YAP1: variants seen among roughly 807,000 people sequenced by gnomAD.
YAP1 encodes Yes1 associated transcriptional regulator, also known as transcriptional coactivator YAP1.
In YAP1, 5 loss-of-function variants were observed where a neutral mutation model predicts 56.9. The ratio of observed to expected loss-of-function variants is 0.09; its 90% CI spans 0.05 to 0.18. YAP1 has a LOEUF of 0.18. Ranked by LOEUF, YAP1 falls within the 10% of genes least tolerant of loss-of-function variation. YAP1 has a pLI of 1.00. For missense variants in YAP1, 539 were observed against 651.8 expected (o/e 0.83, Z 1.88); for synonymous variants, 265 against 248.1 (o/e 1.07, Z -0.64).
chr11:102,177,026 ACATT>A (rs1281199444), intron 3 of YAP1, among the ~76,000 whole-genome samples: 6 of 152,134 alleles, frequency 3.9e-5, no homozygotes, highest in Non-Finnish European at 5.9e-5. Context: ...GGAAGAAGTG[ACATT>A]CAGAGTGGGA....
rs557003695 is a variant in YAP1, at chr11:102,122,438, A to G, written c.572+8044A>G. On this transcript the variant is annotated intron_variant, in intron 2 of 8. Transcript: ENST00000282441. ...AGACTCTGTCTCAAAAAAAAAAAAGAAGGAAAGAAAACGGAAGGAAGCACC... is the reference window on the plus strand; with the variant it reads ...AGACTCTGTCTCAAAAAAAAAAAAGGAGGAAAGAAAACGGAAGGAAGCACC... Among the ~76,000 whole-genome samples the G allele has an allele frequency of 8.8e-4, 134 of 151,868 alleles. 1 individual carries two copies. The highest frequency in any genetic ancestry group is 3.4e-3 in the Middle Eastern group (1 of 294).
chr11:102,185,368 G>T (rs759555311), intron 3 of YAP1, among the ~76,000 whole-genome samples: 1 of 152,086 alleles, frequency 6.6e-6, no homozygotes, highest in East Asian at 1.9e-4. Context: ...AACAACTTTA[G>T]CACTTATCTT....
intron 5 of YAP1, among the ~76,000 whole-genome samples, chr11:102,208,232 T>C (rs956167801): frequency 6.6e-6 from 1 of 152,190 alleles, no homozygotes; most frequent in South Asian, 2.1e-4. Flanking sequence ...TTTACTGCCC[T>C]TCAAAATGGC....
chr11:102,216,608 T>C (rs1949680683), intron 6 of YAP1, among the ~76,000 whole-genome samples: 1 of 152,184 alleles, frequency 6.6e-6, no homozygotes, highest in Non-Finnish European at 1.5e-5. Flanking sequence ...GCCATAAGCC[T>C]TGGGACATAA....
chr11:102,220,311 GAACAA>G (rs1949862156), intron 6 of YAP1, among the ~76,000 whole-genome samples: 1 of 151,936 alleles, frequency 6.6e-6, no homozygotes. Flanking sequence ...AACTGACCAA[GAACAA>G]AACAAAACAA....
At chr11:102,214,267 A>G (rs1380673934) in intron 6 of YAP1, among the ~76,000 whole-genome samples, 6 of 152,220 alleles carry the variant, frequency 3.9e-5, no homozygotes, top group African/African-American at 1.4e-4. Context: ...ATATTTGGCA[A>G]CTACTGAATA....
intron 3 of YAP1, among the ~76,000 whole-genome samples, chr11:102,176,421 G>T (rs1947251412): frequency 6.6e-6 from 1 of 152,096 alleles, no homozygotes; most frequent in Non-Finnish European, 1.5e-5. Context: ...GGACAGATTG[G>T]AGAAAAGCTT....
chr11:102,215,531 A>G (rs1046485197), intron 6 of YAP1, among the ~76,000 whole-genome samples: 12 of 152,294 alleles, frequency 7.9e-5, no homozygotes, highest in Admixed American at 2.0e-4. Context: ...CTGGAGTGCA[A>G]TGGCACGATC....
intron 2 of YAP1, among the ~76,000 whole-genome samples, chr11:102,128,871 G>C (rs1393148936): frequency 6.6e-6 from 1 of 152,014 alleles, no homozygotes; most frequent in Non-Finnish European, 1.5e-5. Context: ...AAAAATTAGG[G>C]CTTTAAAGTA....
intron 3 of YAP1, 117 bp downstream of exon 3, chr11:102,162,688 C>CT: frequency 1.0e-6 from 1 of 965,142 alleles, no homozygotes; most frequent in Middle Eastern, 2.1e-4. Context: ...TGTTTATTGT[C>CT]TCTCCAGTTT....
chr11:102,144,389 T>G (rs1410985532), intron 2 of YAP1, among the ~76,000 whole-genome samples: 1 of 152,212 alleles, frequency 6.6e-6, no homozygotes, highest in Non-Finnish European at 1.5e-5. Context: ...GAAAGTTACC[T>G]TATGCCATTT....
intron 3 of YAP1, among the ~76,000 whole-genome samples, chr11:102,168,425 A>G (rs1339123991): frequency 6.6e-6 from 1 of 152,084 alleles, no homozygotes; most frequent in Admixed American, 6.5e-5. Context: ...AGAAATGTAC[A>G]TTTGATAACA....
At chr11:102,208,089 A>G (rs1949214374) in intron 5 of YAP1, among the ~76,000 whole-genome samples, 1 of 152,204 alleles carries the variant, frequency 6.6e-6, no homozygotes, top group East Asian at 1.9e-4. Flanking sequence ...TAAAAATTAA[A>G]TATCACACCT....
chr11:102,197,733 T>C (rs1045364394), intron 4 of YAP1, among the ~76,000 whole-genome samples: 3 of 152,210 alleles, frequency 2.0e-5, no homozygotes, highest in African/African-American at 4.8e-5. Flanking sequence ...GGTTTTTGTT[T>C]TGTTTTTACC....
chr11:102,133,436 CA>C (rs1402888815), intron 2 of YAP1, among the ~76,000 whole-genome samples: 1 of 152,008 alleles, frequency 6.6e-6, no homozygotes, highest in African/African-American at 2.4e-5. Flanking sequence ...GCTGGGACTA[CA>C]GGCACGTTGC....
intron 2 of YAP1, among the ~76,000 whole-genome samples, chr11:102,156,694 C>T (rs999800784): frequency 6.6e-6 from 1 of 152,184 alleles, no homozygotes. Context: ...TATTCTCAGT[C>T]ACTATGGCAT....
chr11:102,188,132 T>C (rs901845353), intron 4 of YAP1, among the ~76,000 whole-genome samples: 1 of 152,242 alleles, frequency 6.6e-6, no homozygotes, highest in Non-Finnish European at 1.5e-5. Context: ...TCAGAAGTTC[T>C]GCATAGTGGA....
intron 2 of YAP1, among the ~76,000 whole-genome samples, chr11:102,122,330 C>T (rs1185907866): frequency 6.6e-6 from 1 of 151,886 alleles, no homozygotes; most frequent in Non-Finnish European, 1.5e-5. Context: ...GAGGCTGAGG[C>T]ATGAGAATCG....
Position 102,121,422 on chromosome 11 carries a change from G to C in YAP1, c.572+7028G>C, listed in dbSNP as rs190027856. Among the ~76,000 whole-genome samples, 209 of 142,684 alleles carry C rather than the reference G, an allele frequency of 1.5e-3. 1 individual carries two copies. Among genetic ancestry groups the C allele is most frequent in the African/African-American group, 5.4e-3 (205 of 37,882 alleles). 93.6% of individuals were successfully genotyped at this position (142,684 alleles called of 152,430 possible). A position where few individuals can be genotyped will look rare whatever the true frequency, so the allele number is the denominator to read the frequency against. ...CACTTCAGCCCAGCCTGGGCAATGG[G>C]AGTGAGACCTTGTCTCAAAAAAAAA... On this transcript the variant is annotated intron_variant, in intron 2 of 8. Transcript: ENST00000282441.
Sources: allele counts gnomAD v4.1 joint callset (sites outside exome capture counted in the v4.1 genomes callset), GRCh38; gene constraint gnomAD v4.1.1; transcripts MANE v1.5; gene names NCBI Gene and HGNC (gene_info 2026-07-23, HGNC 2026-07-21).